DHX38: variants seen among roughly 807,000 people sequenced by gnomAD.
DHX38 encodes DEAH-box helicase 38, also known as pre-mRNA-splicing factor ATP-dependent RNA helicase PRP16.
A neutral mutation model predicts 153.1 loss-of-function variants in DHX38; 100 were observed. That is an observed-to-expected ratio of 0.65 (90% confidence interval 0.56 to 0.77). DHX38 has a LOEUF of 0.77. Among genes scored for constraint, DHX38 ranks in the 30% least tolerant of loss-of-function variants. The pLI is 0.00. For missense variants in DHX38, 1,440 were observed against 1,654.0 expected (o/e 0.87, Z 2.24); for synonymous variants, 650 against 631.7 (o/e 1.03, Z -0.43).
intron 8 of DHX38, 75 bp from the exon 9 acceptor site, chr16:72,100,361 T>G: frequency 6.5e-7 from 1 of 1,537,142 alleles, no homozygotes; most frequent in Non-Finnish European, 8.8e-7. Flanking sequence ...ACTTGATGTG[T>G]GGACTTACCT....
At position 72,099,874 on chromosome 16, in the gene DHX38, G is replaced by A. The variant is rs745558826; in HGVS notation, c.1103G>A (p.Arg368Lys). The change falls in exon 8 of 27, where the codon AGA becomes AAA. Residue 368 changes from arginine to lysine, a missense_variant. Arg to Lys is a conservative substitution (Grantham distance 26, BLOSUM62 2). This residue lies in a region of DHX38 where 77 missense variants were observed against 125.4 expected (regional missense o/e 0.61). Transcript: ENST00000268482. ...CAGAAGCGCATTTCAGCTCAGCGGAGACAGATCAATGAGGTGAGGCTGCCT... is the reference window on the plus strand; with the variant it reads ...CAGAAGCGCATTTCAGCTCAGCGGAAACAGATCAATGAGGTGAGGCTGCCT... ...QKQKRISAQRRQINEDNERWE... is the reference protein window; with the variant it reads ...QKQKRISAQRKQINEDNERWE... 2 of 1,607,516 alleles carry A rather than the reference G, an allele frequency of 1.2e-6. No individual in the cohort carries two copies. Among genetic ancestry groups the A allele is most frequent in the South Asian group, 2.2e-5 (2 of 89,994 alleles).
Position 72,104,960 on chromosome 16 carries a change from C to A in DHX38, c.2152-67C>A. Reference sequence around the variant, plus strand: ...CCAGAGCAGTGCCTGGGCCACTGGGCTCCCAGGAGATGCCCGGCCTGCGCT... The same window carrying A: ...CCAGAGCAGTGCCTGGGCCACTGGGATCCCAGGAGATGCCCGGCCTGCGCT... On this transcript the variant is annotated intron_variant, in intron 15 of 26. Transcript: ENST00000268482. The surrounding 1 kb of genome is among the most constrained non-coding windows in gnomAD (Gnocchi z 4.5). 1 of 1,480,480 alleles carries A rather than the reference C, an allele frequency of 6.8e-7. No homozygotes were observed. The highest frequency in any genetic ancestry group is 9.2e-7 in the Non-Finnish European group (1 of 1,083,306). 91.7% of individuals were successfully genotyped at this position (1,480,480 alleles called of 1,614,324 possible).
At chr16:72,101,007 C>A in intron 9 of DHX38, 79 bp from the exon 10 acceptor site, 1 of 1,398,108 alleles carries the variant, frequency 7.2e-7, no homozygotes, top group South Asian at 1.2e-5. Context: ...GTAGCAGTCC[C>A]TTTCACAAGT....
intron 19 of DHX38, among the ~76,000 whole-genome samples, 175 bp downstream of exon 19, chr16:72,106,292 G>A (rs549738274): frequency 1.2e-4 from 19 of 152,264 alleles, no homozygotes; most frequent in Non-Finnish European, 1.8e-4. Flanking sequence ...GAAGGAAGGA[G>A]TGGCTTTCCA....
At chr16:72,099,982 T>G in intron 8 of DHX38, 95 bp downstream of exon 8, 2 of 1,476,006 alleles carry the variant, frequency 1.4e-6, no homozygotes, top group Non-Finnish European at 9.1e-7. Context: ...CAGCACAGCT[T>G]GTCCCCTGAT....
chr16:72,102,942 C>T (rs1171703889), intron 11 of DHX38, 132 bp from the exon 12 acceptor site: 2 of 1,290,082 alleles, frequency 1.6e-6, no homozygotes, highest in Non-Finnish European at 2.2e-6. Context: ...ATCTCAGATT[C>T]CCTGGCTGCT....
rs781735500 is a variant in DHX38, at chr16:72,108,587, C to T, written c.3235C>T (p.His1079Tyr). The T allele has an allele frequency of 1.2e-6, 2 of 1,614,002 alleles. No individual in the cohort carries two copies. Among genetic ancestry groups the T allele is most frequent in the South Asian group, 2.2e-5 (2 of 91,044 alleles). ...VRKCICAAYF[H>Y]QAAKLKGIGE... ...GAAGTGCATCTGTGCTGCCTATTTC[C>T]ACCAAGCAGCCAAGCTCAAGGTGAA... Residue 1079 changes from histidine to tyrosine, a missense_variant, in exon 23 of 27, where the codon CAC (histidine) becomes TAC (tyrosine). His to Tyr is a moderately conservative substitution (Grantham distance 83). Coordinates refer to ENST00000268482, the MANE Select transcript of DHX38 (RefSeq NM_014003.4).
Position 72,107,466 on chromosome 16 carries a change from C to A in DHX38, c.2727C>A (p.Phe909Leu), listed in dbSNP as rs2042194319. 6.2e-7 allele frequency: 1 copy of A among 1,614,094 alleles called. No homozygotes were observed. Among genetic ancestry groups the A allele is most frequent in the African/African-American group, 1.3e-5 (1 of 74,930 alleles). Residue 909 changes from phenylalanine to leucine, a missense_variant, in exon 20 of 27, where the codon TTC becomes TTA. Transcript: ENST00000268482. This position sits in a 1 kb window ranked among gnomAD's most constrained non-coding sequence, Gnocchi z 5.3. ...TCGGGGTGCAGGACCTGCTGCAGTTCCACTTCATGGACCCGCCCCCGGAGG... is the reference window on the plus strand; with the variant it reads ...TCGGGGTGCAGGACCTGCTGCAGTTACACTTCATGGACCCGCCCCCGGAGG... ...KSLGVQDLLQ[F>L]HFMDPPPEDN...
At position 72,103,110 on chromosome 16, in the gene DHX38, G is replaced by C. The variant is rs951901244; in HGVS notation, c.1536G>C (p.Lys512Asn). 3.7e-6 allele frequency: 6 copies of C among 1,614,118 alleles called. No individual in the cohort carries two copies. The highest frequency in any genetic ancestry group is 2.7e-5 in the African/African-American group (2 of 74,936). Residue 512 changes from lysine to asparagine, a missense_variant, in exon 12 of 27, where the codon AAG becomes AAC. Physicochemically the swap from Lys to Asn is moderately conservative, Grantham distance 94. This residue lies in a region of DHX38 where 241 missense variants were observed against 229.5 expected (regional missense o/e 1.05). Coordinates refer to ENST00000268482, the MANE Select transcript of DHX38 (RefSeq NM_014003.4). ...EQKFADHMKR[K>N]SEASSEFAKK... ...AGTTTGCAGATCACATGAAGAGAAA[G>C]AGCGAAGCCAGCAGTGAATTTGCAA...
chr16:72,096,429 A>G lies in DHX38; in HGVS notation c.272A>G (p.Asp91Gly), dbSNP rs1006957063. 1.2e-6 allele frequency: 2 copies of G among 1,613,858 alleles called. No homozygotes were observed. The highest frequency in any genetic ancestry group is 2.7e-5 in the African/African-American group (2 of 74,944). The change falls in exon 2 of 27, where the codon GAT becomes GGT. Residue 91 changes from aspartate (D) to glycine (G), a missense_variant. Asp to Gly is a moderately conservative substitution (Grantham distance 94). Coordinates refer to ENST00000268482, the MANE Select transcript of DHX38 (RefSeq NM_014003.4). ...GAAGAGAGCAAGGATGACCAGAAGG[A>G]TGCTGAGGAAGAGGGCGGTGACCAG... ...DWEESKDDQK[D>G]AEEEGGDQAG...
chr16:72,109,653 G>A, intron 25 of DHX38, 143 bp downstream of exon 25: 1 of 722,324 alleles, frequency 1.4e-6, no homozygotes. Context: ...GGCTGGGTCT[G>A]TCTGATTCCC....
Position 72,107,623 on chromosome 16 carries a change from C to A in DHX38, c.2810-22C>A, listed in dbSNP as rs374501024. On this transcript the variant is annotated intron_variant, in intron 20 of 26. Transcript: ENST00000268482. The surrounding 1 kb of genome is among the most constrained non-coding windows in gnomAD (Gnocchi z 5.3). The stretch of plus-strand genomic sequence containing the variant: ...TTCCTCTACTGTCCCGTCAAATATC[C>A]GGGTTTGCTCATCTCTCCTAGGTGG... 6.2e-7 allele frequency: 1 copy of A among 1,611,196 alleles called. No individual in the cohort carries two copies. Among genetic ancestry groups the A allele is most frequent in the Non-Finnish European group, 8.5e-7 (1 of 1,177,520 alleles).
rs1215159161 is a variant in DHX38, at chr16:72,104,626, G to A, written c.2151G>A (p.Lys717=). ...RTFPVDILFS[K]TPQEDYVEAA... is the part of the protein sequence containing the mutation. ...TCCCTGTTGACATCCTCTTCAGCAAGGTATTGAGGCCACCATGTTACGAAC... is the reference window on the plus strand; with the variant it reads ...TCCCTGTTGACATCCTCTTCAGCAAAGTATTGAGGCCACCATGTTACGAAC... The change falls in exon 15 of 27, where the codon AAG becomes AAA. Residue 717 remains lysine (K), a splice_region_variant and synonymous_variant. Coordinates refer to ENST00000268482, the MANE Select transcript of DHX38 (RefSeq NM_014003.4). The surrounding 1 kb of genome is among the most constrained non-coding windows in gnomAD (Gnocchi z 4.5). The A allele has an allele frequency of 6.2e-7, 1 of 1,614,130 alleles. No homozygotes were observed. Among genetic ancestry groups the A allele is most frequent in the Non-Finnish European group, 8.5e-7 (1 of 1,180,016 alleles).
At chr16:72,110,242 T>G (rs2042239396) in intron 25 of DHX38, among the ~76,000 whole-genome samples, 1 of 152,226 alleles carries the variant, frequency 6.6e-6, no homozygotes, top group Admixed American at 6.5e-5. Context: ...CTCACAGCGG[T>G]GTTTAACCTG....
At chr16:72,097,342 CA>C in intron 3 of DHX38, 1 of 399,622 alleles carries the variant, frequency 2.5e-6, no homozygotes, top group African/African-American at 2.0e-5. Flanking sequence ...CAAAGCTAGA[CA>C]AAAAAATCCA....
chr16:72,111,583 C>T (rs1281238937), intron 26 of DHX38, among the ~76,000 whole-genome samples: 5 of 152,186 alleles, frequency 3.3e-5, no homozygotes, highest in African/African-American at 4.8e-5. Context: ...GCCGTACTTA[C>T]CATTATAGCT....
At chr16:72,109,720 T>C (rs751893573) in intron 25 of DHX38, 2 of 430,778 alleles carry the variant, frequency 4.6e-6, no homozygotes, top group Non-Finnish European at 8.1e-6. Context: ...ACCAAAAAAC[T>C]CATTATTGAA....
chr16:72,106,573 C>T (rs1344518713), intron 19 of DHX38, among the ~76,000 whole-genome samples: 1 of 152,034 alleles, frequency 6.6e-6, no homozygotes, highest in African/African-American at 2.4e-5. Flanking sequence ...CTCAGACTCC[C>T]AAGGGGCTGA....
At chr16:72,101,751 C>T in intron 11 of DHX38, 139 bp downstream of exon 11, 1 of 653,426 alleles carries the variant, frequency 1.5e-6, no homozygotes, top group East Asian at 2.8e-5. Context: ...TCCATTCTCT[C>T]TGGTCCCTTC....
Sources: gnomAD v4.1 joint callset for allele counts (sites outside exome capture counted in the v4.1 genomes callset) on GRCh38, gnomAD v4.1.1 for gene constraint, gnomAD v4.1.1 regional missense constraint, Gnocchi (gnomAD v3.1) non-coding constraint, MANE v1.5 for transcripts, NCBI Gene and HGNC (gene_info 2026-07-23, HGNC 2026-07-21) for gene names.